CDH18: variants seen among roughly 807,000 people sequenced by gnomAD.
CDH18 encodes cadherin-18.
Under a neutral mutation model 67.9 loss-of-function variants are expected in CDH18, and 31 were observed. The ratio of observed to expected loss-of-function variants is 0.46; its 90% confidence interval spans 0.34 to 0.62. The LOEUF is 0.62. CDH18 is among the 20% of genes least tolerant of loss of function. The pLI is 0.01. For missense variants in CDH18, 890 were observed against 975.5 expected, an observed-to-expected ratio of 0.91 and a Z score of 1.17; for synonymous variants, 362 against 347.2, an observed-to-expected ratio of 1.04 and a Z score of -0.48.
chr5:19,919,427 G>A (rs2150161418), intron 2 of CDH18, among the ~76,000 whole-genome samples: 1 of 152,222 alleles, frequency 6.6e-6, no homozygotes, highest in African/African-American at 2.4e-5. Flanking sequence ...ACTTGTGACA[G>A]GTATCTGAAG....
intron 11 of CDH18, among the ~76,000 whole-genome samples, chr5:19,497,038 C>A (rs1742458259): frequency 6.6e-6 from 1 of 151,682 alleles, no homozygotes; most frequent in Admixed American, 6.6e-5. Context: ...TATAGCAGCA[C>A]AAAACATGTG....
intron 1 of CDH18, among the ~76,000 whole-genome samples, chr5:20,337,889 C>T (rs1739920554): frequency 6.6e-6 from 1 of 152,216 alleles, no homozygotes; most frequent in South Asian, 2.1e-4. Context: ...ATTGCACTTA[C>T]AGTTCCACGT....
At chr5:20,095,509 GGAT>G (rs1171496997) in intron 2 of CDH18, among the ~76,000 whole-genome samples, 35 of 130,480 alleles carry the variant, frequency 2.7e-4, no homozygotes, top group South Asian at 1.2e-3. Flanking sequence ...GAGGGAGGGA[GGAT>G]GGAAGGAAGG....
intron 8 of CDH18, among the ~76,000 whole-genome samples, chr5:19,571,170 G>A (rs1354163794): frequency 3.3e-5 from 5 of 152,166 alleles, no homozygotes; most frequent in African/African-American, 1.2e-4. Context: ...ACACAGCTAG[G>A]CTGACCAAAG....
At chr5:19,622,287 A>T (rs1256612563) in intron 5 of CDH18, among the ~76,000 whole-genome samples, 1 of 152,180 alleles carries the variant, frequency 6.6e-6, no homozygotes, top group Non-Finnish European at 1.5e-5. Flanking sequence ...CTCAGGATAC[A>T]GTCTTTTGTA....
At chr5:20,325,080 A>G (rs1738429329) in intron 1 of CDH18, among the ~76,000 whole-genome samples, 1 of 152,208 alleles carries the variant, frequency 6.6e-6, no homozygotes, top group South Asian at 2.1e-4. Flanking sequence ...CGTGGTATTT[A>G]AAGAACCGAA....
In CDH18 at chr5:20,161,845, T is replaced by C. The variant is rs1276918793; in HGVS notation, c.-518+93599A>G. On this transcript the variant is annotated intron_variant, in intron 2 of 14. Coordinates refer to the CDH18 transcript ENST00000507958. ...CAGGTGCCTAGCAGGCACTTGATTATAATTGCACATTTGGAATTTTTCTTA... is the reference window on the plus strand; with the variant it reads ...CAGGTGCCTAGCAGGCACTTGATTACAATTGCACATTTGGAATTTTTCTTA... 5.9e-5 allele frequency among the ~76,000 whole-genome samples: 9 copies of C among 152,222 alleles called. 1 individual carries two copies. Among genetic ancestry groups the C allele is most frequent in the Admixed American group, 5.9e-4 (9 of 15,280 alleles).
intron 2 of CDH18, among the ~76,000 whole-genome samples, chr5:20,057,221 C>A (rs1372306211): frequency 1.3e-5 from 2 of 152,062 alleles, no homozygotes; most frequent in Admixed American, 1.3e-4. Flanking sequence ...ATGAATACAT[C>A]ATTCATTAAT....
rs566477363 is a variant in CDH18, at chr5:19,826,682, C to T, written c.228+12077G>A. On this transcript the variant is annotated intron_variant, in intron 3 of 12. Coordinates refer to ENST00000382275, the MANE Select transcript of CDH18 (RefSeq NM_004934.5). Reference sequence around the variant, plus strand: ...AAGGTTCTTTTCAGACAAGCAAATGCTAAGAGAATTTGTTACCACCAGACC... The same window carrying T: ...AAGGTTCTTTTCAGACAAGCAAATGTTAAGAGAATTTGTTACCACCAGACC... 5.3e-5 allele frequency among the ~76,000 whole-genome samples: 8 copies of T among 152,214 alleles called. No homozygotes were observed. The East Asian group carries it at 1.5e-3, about 29-fold the overall frequency.
chr5:19,697,570 T>C (rs931247843), intron 5 of CDH18, among the ~76,000 whole-genome samples: 2 of 152,052 alleles, frequency 1.3e-5, no homozygotes, highest in African/African-American at 4.8e-5. Flanking sequence ...TTTCTCACAA[T>C]AATATAAAAA....
chr5:20,565,075 AC>A (rs1287344483), intron 1 of CDH18, among the ~76,000 whole-genome samples: 2 of 152,268 alleles, frequency 1.3e-5, no homozygotes, highest in South Asian at 2.1e-4. Context: ...CTAGTGAGTC[AC>A]CATAGCTTCC....
chr5:20,292,187 C>G (rs1031112742), intron 1 of CDH18, among the ~76,000 whole-genome samples: 1 of 152,152 alleles, frequency 6.6e-6, no homozygotes, highest in African/African-American at 2.4e-5. Flanking sequence ...GTGTTTTTAT[C>G]TTATTTTTTA....
intron 2 of CDH18, among the ~76,000 whole-genome samples, chr5:20,090,457 C>T (rs960730154): frequency 6.6e-6 from 1 of 152,030 alleles, no homozygotes; most frequent in African/African-American, 2.4e-5. Flanking sequence ...ATCGCTTGAA[C>T]CTGGGAGGCA....
intron 1 of CDH18, among the ~76,000 whole-genome samples, chr5:20,363,156 C>T (rs950755745): frequency 3.3e-5 from 5 of 152,132 alleles, no homozygotes; most frequent in Non-Finnish European, 7.4e-5. Flanking sequence ...CAAATAGTTC[C>T]AAATGCATTC....
intron 2 of CDH18, among the ~76,000 whole-genome samples, chr5:20,107,702 A>C (rs1193506288): frequency 6.6e-6 from 1 of 151,680 alleles, no homozygotes; most frequent in Non-Finnish European, 1.5e-5. Flanking sequence ...TTCTCACTGC[A>C]TTCTCACACA....
chr5:20,008,202 T>C (rs749985210), intron 2 of CDH18, among the ~76,000 whole-genome samples: 1 of 152,144 alleles, frequency 6.6e-6, no homozygotes, highest in African/African-American at 2.4e-5. Context: ...TTGGGAATTA[T>C]ATAATATGAA....
At chr5:19,589,990 C>G (rs984767369) in intron 7 of CDH18, among the ~76,000 whole-genome samples, 4 of 152,050 alleles carry the variant, frequency 2.6e-5, no homozygotes, top group African/African-American at 9.7e-5. Context: ...TCATAGTAAA[C>G]ATATTATTGA....
At chr5:19,747,724 T>G (rs1770213639) in intron 3 of CDH18, among the ~76,000 whole-genome samples, 1 of 149,286 alleles carries the variant, frequency 6.7e-6, no homozygotes, top group Non-Finnish European at 1.5e-5. Context: ...GGCACATATT[T>G]AAGTCATAGT....
intron 1 of CDH18, among the ~76,000 whole-genome samples, chr5:20,473,554 C>T (rs1422362142): frequency 6.6e-6 from 1 of 151,594 alleles, no homozygotes; most frequent in Non-Finnish European, 1.5e-5. Context: ...ATTCATTTTT[C>T]TTGTACTTAA....
Sources: allele counts gnomAD v4.1 joint callset (sites outside exome capture counted in the v4.1 genomes callset), GRCh38; gene constraint gnomAD v4.1.1; transcripts MANE v1.5; gene names NCBI Gene and HGNC (gene_info 2026-07-23, HGNC 2026-07-21).